ENOSF1: variants seen among roughly 807,000 people sequenced by gnomAD.
The protein encoded by ENOSF1 is mitochondrial enolase superfamily member 1.
Under a neutral mutation model 68.2 loss-of-function variants are expected in ENOSF1, and 73 were observed. The ratio of observed to expected loss-of-function variants is 1.07; its 90% CI spans 0.89 to 1.30. The LOEUF (loss-of-function observed/expected upper bound fraction) is 1.30, where lower values mean the gene tolerates loss of function less well. Among genes scored for constraint, ENOSF1 ranks in the 50% most tolerant of loss-of-function variants. ENOSF1 has a pLI of 0.00. For synonymous variants in ENOSF1, 223 were observed against 210.4 expected (o/e 1.06, Z -0.52); for missense variants, 589 against 554.5 (o/e 1.06, Z -0.62).
chr18:663,436 G>T, the ENOSF1 span, among the ~76,000 whole-genome samples: 2 of 101,514 alleles, frequency 2.0e-5, 1 homozygote, highest in Non-Finnish European at 3.7e-5. Flanking sequence ...AGATGAGTAG[G>T]TTGCAAAAAT....
chr18:689,013 C>T (rs2076898327), intron 8 of ENOSF1, among the ~76,000 whole-genome samples: 1 of 152,132 alleles, frequency 6.6e-6, no homozygotes. Flanking sequence ...CACCATGTGC[C>T]GACTGCATGC....
At chr18:712,016 G>T (rs1432988372) in intron 1 of ENOSF1, among the ~76,000 whole-genome samples, 1 of 152,184 alleles carries the variant, frequency 6.6e-6, no homozygotes, top group African/African-American at 2.4e-5. Flanking sequence ...CGCGTTCAGG[G>T]TACAGAGGAA....
At chr18:678,483 A>G in intron 12 of ENOSF1, 2 of 555,294 alleles carry the variant, frequency 3.6e-6, no homozygotes, top group Non-Finnish European at 6.4e-6. Flanking sequence ...AAGATACCCG[A>G]CCTTAGTCAT....
At chr18:691,979 G>C (rs949603000) in intron 5 of ENOSF1, 2 of 152,342 alleles carry the variant, frequency 1.3e-5, no homozygotes, top group African/African-American at 4.8e-5. Flanking sequence ...GATGGTTCTG[G>C]AGCAGTGAAC....
intron 2 of ENOSF1, among the ~76,000 whole-genome samples, chr18:698,334 T>C (rs2077964639): frequency 6.6e-6 from 1 of 152,240 alleles, no homozygotes; most frequent in Non-Finnish European, 1.5e-5. Flanking sequence ...TCCTAAGGAA[T>C]AAGAAGGCTG....
chr18:690,511 C>G (rs758013508), intron 8 of ENOSF1, 38 bp downstream of exon 8: 3 of 1,612,408 alleles, frequency 1.9e-6, no homozygotes, highest in Admixed American at 1.7e-5. Flanking sequence ...TGGTTTCTCC[C>G]CATTCAGCTG....
rs2079718749 is a variant in ENOSF1 at position 712,526 on chromosome 18, C to G, written c.62G>C (p.Gly21Ala). Reference sequence around the variant, plus strand: ...TACCATGGCGTCCGCGCCGTGGCCCCCAAGCGACGTGGGGAAGCGCACGTC... The same window carrying G: ...TACCATGGCGTCCGCGCCGTGGCCCGCAAGCGACGTGGGGAAGCGCACGTC... ...VRDVRFPTSLGGHGADAMHTD... is the reference protein window; with the variant it reads ...VRDVRFPTSLAGHGADAMHTD... Residue 21 changes from glycine to alanine, a missense_variant, in exon 1 of 16, where the codon GGG (glycine) becomes GCG (alanine). Physicochemically the swap from Gly to Ala is moderately conservative, Grantham distance 60. Transcript: ENST00000647584. 1 of 1,540,188 alleles carries G rather than the reference C, an allele frequency of 6.5e-7. No homozygotes were observed. The highest frequency in any genetic ancestry group is 8.7e-7 in the Non-Finnish European group (1 of 1,146,598).
intron 2 of ENOSF1, among the ~76,000 whole-genome samples, chr18:698,415 T>C (rs1816807440): frequency 6.6e-6 from 1 of 152,218 alleles, no homozygotes; most frequent in Non-Finnish European, 1.5e-5. Flanking sequence ...CTTGAATTCA[T>C]AACATAAACT....
At chr18:696,418 A>C (rs2145192518) in intron 3 of ENOSF1, among the ~76,000 whole-genome samples, 1 of 151,786 alleles carries the variant, frequency 6.6e-6, no homozygotes, top group Admixed American at 6.6e-5. Context: ...TCACCATGTT[A>C]GCCAGGATGG....
At chr18:692,648 C>A in intron 5 of ENOSF1, 1 of 845,918 alleles carries the variant, frequency 1.2e-6, no homozygotes, top group Non-Finnish European at 1.4e-6. Flanking sequence ...AGAGTACTGG[C>A]ATTGAAAGGG....
rs558274251 is a variant in ENOSF1 at position 696,360 on chromosome 18, C to T, written c.309+880G>A. 1.1e-4 allele frequency among the ~76,000 whole-genome samples: 17 copies of T among 152,008 alleles called. No homozygotes were observed. In the South Asian group the frequency reaches 1.7e-3, roughly 15 times the overall value. On this transcript the variant is annotated intron_variant, in intron 3 of 15. Transcript: ENST00000647584. ...CTGAGTAACTGGGACTATAGGCGCCCGCCACCATGCCCGGCTAATTTTTTG... is the reference window on the plus strand; with the variant it reads ...CTGAGTAACTGGGACTATAGGCGCCTGCCACCATGCCCGGCTAATTTTTTG...
chr18:683,074 A>C (rs2076241578), intron 11 of ENOSF1, 172 bp downstream of exon 11: 1 of 764,966 alleles, frequency 1.3e-6, no homozygotes, highest in Admixed American at 3.0e-5. Flanking sequence ...GAAGTAGAAA[A>C]AGGAATGTCA....
At chr18:677,541 T>C (rs150731764) in intron 13 of ENOSF1, 97 bp from the exon 14 acceptor site, 24 of 1,235,870 alleles carry the variant, frequency 1.9e-5, no homozygotes, top group African/African-American at 1.7e-4. Context: ...CCACAGGTGA[T>C]TAAATCATTT....
chr18:664,170 C>G, the ENOSF1 span, among the ~76,000 whole-genome samples: 5 of 151,842 alleles, frequency 3.3e-5, no homozygotes, highest in Admixed American at 6.6e-5. Context: ...TCTTCCATTT[C>G]TTTGTATCCT....
intron 7 of ENOSF1, 149 bp from the exon 8 acceptor site, chr18:690,780 T>C: frequency 6.7e-7 from 1 of 1,490,628 alleles, no homozygotes; most frequent in Non-Finnish European, 8.9e-7. Context: ...ATTACTAGGA[T>C]GTCAAACCCA....
intron 2 of ENOSF1, among the ~76,000 whole-genome samples, chr18:701,202 AAACT>A (rs1036636820): frequency 2.6e-5 from 4 of 152,140 alleles, no homozygotes; most frequent in South Asian, 2.1e-4. Flanking sequence ...ATTTTTTAAA[AAACT>A]AACTTAGTCT....
rs1332591730 is a variant in ENOSF1, at chr18:673,781, T to G, written c.*524A>C. ...TTAAAATAATCTATGGACTACCATT[T>G]TGCCCTCATTAGCTTCAGCATGGTG... On this transcript the variant is annotated 3_prime_UTR_variant, in exon 16 of 16. Transcript: ENST00000647584. 1.3e-5 allele frequency: 2 copies of G among 152,890 alleles called. No individual in the cohort carries two copies. The highest frequency in any genetic ancestry group is 4.8e-5 in the African/African-American group (2 of 41,250). 9.5% of individuals were successfully genotyped at this position (152,890 alleles called of 1,614,324 possible).
At chr18:696,891 C>CG (rs1272641486) in intron 3 of ENOSF1, among the ~76,000 whole-genome samples, 6 of 151,928 alleles carry the variant, frequency 3.9e-5, no homozygotes, top group Non-Finnish European at 8.8e-5. Flanking sequence ...CTGAGGAAGG[C>CG]GGATCACTTG....
At chr18:684,497 C>G (rs978401034) in intron 10 of ENOSF1, among the ~76,000 whole-genome samples, 1 of 152,048 alleles carries the variant, frequency 6.6e-6, no homozygotes, top group Admixed American at 6.5e-5. Flanking sequence ...CTGCTGTACT[C>G]TAGCCTGGGT....
Sources: allele counts gnomAD v4.1 joint callset (sites outside exome capture counted in the v4.1 genomes callset), GRCh38; gene constraint gnomAD v4.1.1; transcripts MANE v1.5; gene names NCBI Gene and HGNC (gene_info 2026-07-23, HGNC 2026-07-21).